The following ABCD2 variants were observed in gnomAD, a reference collection of about 807,000 sequenced individuals.
ABCD2 encodes ATP-binding cassette sub-family D member 2.
In ABCD2, 36 loss-of-function variants were observed where a neutral mutation model predicts 70.9. That is an observed-to-expected ratio of 0.51 (90% CI 0.39 to 0.67). ABCD2 has a LOEUF of 0.67. Ranked by LOEUF, ABCD2 falls within the 30% of genes least tolerant of loss-of-function variation. The pLI is 0.00. For missense variants in ABCD2, 729 were observed against 890.2 expected (o/e 0.82, Z 2.30); for synonymous variants, 304 against 306.9 (o/e 0.99, Z 0.10).
intron 6 of ABCD2, among the ~76,000 whole-genome samples, chr12:39,594,743 G>A (rs1941792233): frequency 6.6e-6 from 1 of 152,148 alleles, no homozygotes; most frequent in Non-Finnish European, 1.5e-5. Context: ...GGAGGCCAAG[G>A]CGGGTGGATC....
intron 6 of ABCD2, among the ~76,000 whole-genome samples, chr12:39,591,238 T>C (rs1445264735): frequency 6.6e-6 from 1 of 152,132 alleles, no homozygotes; most frequent in Non-Finnish European, 1.5e-5. Flanking sequence ...TAGAAAGAAC[T>C]AGATTTGAGT....
At chr12:39,535,284 T>TA in the ABCD2 span, among the ~76,000 whole-genome samples, 1 of 152,214 alleles carries the variant, frequency 6.6e-6, no homozygotes, top group Admixed American at 6.5e-5. Flanking sequence ...ACTTTAAGAA[T>TA]AAGGAAACTA....
At position 39,619,610 on chromosome 12, in the gene ABCD2, T is replaced by G; in HGVS notation, c.6A>C (p.Thr2=). 6.2e-7 allele frequency: 1 copy of G among 1,604,090 alleles called. No homozygotes were observed. Residue 2 remains threonine, a synonymous_variant, in exon 1 of 10, where the codon ACA becomes ACC. Coordinates refer to ENST00000308666, the MANE Select transcript of ABCD2 (RefSeq NM_005164.4). ...GATCAGCTGCTGCATTTAGCATATG[T>G]GTCATTTTCCCAGTTACCCAAACCG... M[T]HMLNAAADRV...
chr12:39,546,340 G>A (rs1216407203), downstream of ABCD2, among the ~76,000 whole-genome samples: 2 of 151,472 alleles, frequency 1.3e-5, no homozygotes, highest in Non-Finnish European at 2.9e-5. Context: ...ATGCATTTAG[G>A]CACCTATTGA....
chr12:39,554,510 A>C (rs1941132817), intron 9 of ABCD2, among the ~76,000 whole-genome samples: 1 of 152,144 alleles, frequency 6.6e-6, no homozygotes. Flanking sequence ...GTCATAGAAA[A>C]ACTAAGGAAA....
intron 6 of ABCD2, 95 bp from the exon 7 acceptor site, chr12:39,586,392 T>G (rs1941667268): frequency 1.6e-6 from 2 of 1,226,952 alleles, no homozygotes; most frequent in South Asian, 1.6e-5. Flanking sequence ...AGTGAAGACT[T>G]TAAACACTAC....
In ABCD2 at chr12:39,561,438, C is replaced by A. The variant is rs530549821; in HGVS notation, c.2004-7307G>T. Among the ~76,000 whole-genome samples, 93 of 151,168 alleles carry A rather than the reference C, an allele frequency of 6.2e-4. 1 individual carries two copies. Among genetic ancestry groups the A allele is most frequent in the Middle Eastern group, 3.5e-3 (1 of 288 alleles). On this transcript the variant is annotated intron_variant, in intron 9 of 9. Coordinates refer to ENST00000308666, the MANE Select transcript of ABCD2 (RefSeq NM_005164.4). The stretch of plus-strand genomic sequence containing the variant: ...AGTGTCTGGATTAAAAAGCAAGACC[C>A]AACTGTGCGCTGCTTACAGGAGACT...
chr12:39,558,447 T>C (rs370970963), intron 9 of ABCD2, among the ~76,000 whole-genome samples: 15 of 152,216 alleles, frequency 9.9e-5, no homozygotes, highest in African/African-American at 3.6e-4. Flanking sequence ...ACAGTTTGGC[T>C]GTTTCCTTAC....
chr12:39,567,277 TAGGTCTCTG>T (rs1424471237), intron 9 of ABCD2, among the ~76,000 whole-genome samples: 7 of 152,348 alleles, frequency 4.6e-5, no homozygotes, highest in Admixed American at 2.0e-4. Context: ...AGTCTCTTTC[TAGGTCTCTG>T]AGGACTTGCT....
chr12:39,618,380 A>T (rs908515686), intron 1 of ABCD2, among the ~76,000 whole-genome samples: 2 of 152,232 alleles, frequency 1.3e-5, no homozygotes, highest in Non-Finnish European at 2.9e-5. Context: ...AAGTTTTAAG[A>T]AAATGCGTTA....
chr12:39,574,087 T>C (rs1316588572), intron 8 of ABCD2, among the ~76,000 whole-genome samples: 1 of 152,130 alleles, frequency 6.6e-6, no homozygotes, highest in Non-Finnish European at 1.5e-5. Context: ...TATTGTCTTG[T>C]AGATGAATGA....
chr12:39,547,970 T>A (rs911340878), downstream of ABCD2, among the ~76,000 whole-genome samples: 2 of 152,074 alleles, frequency 1.3e-5, no homozygotes, highest in African/African-American at 4.8e-5. Flanking sequence ...GTCCCTGCCT[T>A]ATGAGAGTTT....
At chr12:39,602,556 A>G (rs1941914493) in intron 5 of ABCD2, among the ~76,000 whole-genome samples, 1 of 152,172 alleles carries the variant, frequency 6.6e-6, no homozygotes, top group African/African-American at 2.4e-5. Flanking sequence ...TTCCTATTAT[A>G]TTTTAGGGAC....
chr12:39,591,048 G>A (rs975301510), intron 6 of ABCD2, among the ~76,000 whole-genome samples: 1 of 152,136 alleles, frequency 6.6e-6, no homozygotes, highest in Non-Finnish European at 1.5e-5. Flanking sequence ...AAATTTTGCA[G>A]CAATGTTAAC....
chr12:39,599,292 A>G (rs1431678193), intron 6 of ABCD2, among the ~76,000 whole-genome samples: 2 of 152,230 alleles, frequency 1.3e-5, no homozygotes, highest in Non-Finnish European at 2.9e-5. Flanking sequence ...ACTTGCATCA[A>G]GAGAATAGAA....
At chr12:39,559,368 A>G (rs1167305634) in intron 9 of ABCD2, among the ~76,000 whole-genome samples, 2 of 134,356 alleles carry the variant, frequency 1.5e-5, no homozygotes, top group Non-Finnish European at 3.1e-5. Flanking sequence ...CAAGAGTGAG[A>G]CTCCAGCTCC....
the ABCD2 span, among the ~76,000 whole-genome samples, chr12:39,542,979 A>G: frequency 9.9e-4 from 150 of 152,258 alleles, no homozygotes; most frequent in African/African-American, 3.4e-3. Context: ...TTTGAAGTTG[A>G]TCATCATGAA....
At chr12:39,590,190 A>G (rs1941726898) in intron 6 of ABCD2, among the ~76,000 whole-genome samples, 1 of 152,220 alleles carries the variant, frequency 6.6e-6, no homozygotes, top group Non-Finnish European at 1.5e-5. Flanking sequence ...TACATAATAG[A>G]TAAGCACTCA....
chr12:39,588,596 G>A (rs1370954203), intron 6 of ABCD2, among the ~76,000 whole-genome samples: 1 of 152,168 alleles, frequency 6.6e-6, no homozygotes, highest in African/African-American at 2.4e-5. Context: ...GACTTCGGGT[G>A]TTCAGGAATG....
Sources: allele counts gnomAD v4.1 joint callset (sites outside exome capture counted in the v4.1 genomes callset), GRCh38; gene constraint gnomAD v4.1.1; transcripts MANE v1.5; gene names NCBI Gene and HGNC (gene_info 2026-07-23, HGNC 2026-07-21).